Variants in ANKS1B observed in about 807,000 individuals in gnomAD.
The protein encoded by ANKS1B is ankyrin repeat and sterile alpha motif domain containing 1B, also known as ankyrin repeat and sterile alpha motif domain-containing protein 1B.
A neutral mutation model predicts 148.3 loss-of-function variants in ANKS1B; 36 were observed. The observed-to-expected ratio is 0.24, with a 90% CI of 0.19 to 0.32. The LOEUF is 0.32. Ranked by LOEUF, ANKS1B falls within the 10% of genes least tolerant of loss-of-function variation. The probability of loss-of-function intolerance (pLI) is 1.00; values close to 1 mark genes in which losing one functional copy is unlikely to be tolerated. For synonymous variants in ANKS1B, 542 were observed against 560.8 expected (o/e 0.97, Z 0.47); for missense variants, 1,157 against 1,542.6 (o/e 0.75, Z 4.19).
chr12:99,058,258 C>CA (rs1192781686), intron 16 of ANKS1B, among the ~76,000 whole-genome samples: 90 of 127,844 alleles, frequency 7.0e-4, no homozygotes, highest in African/African-American at 2.8e-3. Flanking sequence ...TTTTTTAAGA[C>CA]AGAGTCTCAC....
chr12:99,111,522 T>C (rs1016670438), intron 15 of ANKS1B, among the ~76,000 whole-genome samples: 1 of 152,010 alleles, frequency 6.6e-6, no homozygotes, highest in Non-Finnish European at 1.5e-5. Flanking sequence ...TAAGCTAATG[T>C]GTATTTTAAG....
intron 17 of ANKS1B, among the ~76,000 whole-genome samples, chr12:98,994,211 A>G (rs2099928239): frequency 6.6e-6 from 1 of 152,198 alleles, no homozygotes; most frequent in Admixed American, 6.5e-5. Flanking sequence ...CTTCCCCTGT[A>G]ACATAAGGAT....
intron 8 of ANKS1B, among the ~76,000 whole-genome samples, chr12:99,658,519 A>G (rs185414640): frequency 6.6e-6 from 1 of 152,006 alleles, no homozygotes; most frequent in Admixed American, 6.6e-5. Flanking sequence ...CTTTGTGCAA[A>G]TGTTTGCATT....
At chr12:99,888,747 T>C (rs560688840) in intron 1 of ANKS1B, among the ~76,000 whole-genome samples, 100 of 152,298 alleles carry the variant, frequency 6.6e-4, no homozygotes, top group Non-Finnish European at 6.5e-4. Context: ...TAATTTGCGA[T>C]ATTAAGGTAA....
chr12:99,390,705 C>A lies in ANKS1B; in HGVS notation c.1756+8926G>T, dbSNP rs1352224482. On this transcript the variant is annotated intron_variant, in intron 12 of 26. Coordinates refer to ENST00000683438, the MANE Select transcript of ANKS1B (RefSeq NM_001352186.2). ...GATAGTTCCCTGTGGTAAGGACTAGCAAGATTTTGGGGATAAATCTTTCTG... is the reference window on the plus strand; with the variant it reads ...GATAGTTCCCTGTGGTAAGGACTAGAAAGATTTTGGGGATAAATCTTTCTG... 2.0e-5 allele frequency among the ~76,000 whole-genome samples: 3 copies of A among 152,344 alleles called. No individual in the cohort carries two copies. The East Asian group carries it at 5.8e-4, about 29-fold the overall frequency.
At chr12:99,665,671 A>G (rs1463579448) in intron 8 of ANKS1B, among the ~76,000 whole-genome samples, 1 of 152,078 alleles carries the variant, frequency 6.6e-6, no homozygotes, top group Non-Finnish European at 1.5e-5. Context: ...TATTTTTAGT[A>G]GAGACGGGGT....
intron 12 of ANKS1B, among the ~76,000 whole-genome samples, chr12:99,317,182 T>A (rs1377591337): frequency 6.6e-6 from 1 of 152,212 alleles, no homozygotes; most frequent in African/African-American, 2.4e-5. Flanking sequence ...AACTTTAAAG[T>A]AGTTTTTTCC....
chr12:99,646,526 C>A (rs1036833565), intron 9 of ANKS1B, among the ~76,000 whole-genome samples: 3 of 151,718 alleles, frequency 2.0e-5, no homozygotes, highest in African/African-American at 7.3e-5. Flanking sequence ...TGGTGGCACA[C>A]GCCTGTAGTC....
chr12:98,758,933 C>G (rs948381351), intron 25 of ANKS1B, among the ~76,000 whole-genome samples: 6 of 143,106 alleles, frequency 4.2e-5, no homozygotes, highest in African/African-American at 1.5e-4. Context: ...GGCGTGCACG[C>G]CTGGCTAATT....
intron 10 of ANKS1B, among the ~76,000 whole-genome samples, chr12:99,502,772 G>T (rs2096668304): frequency 6.6e-6 from 1 of 152,028 alleles, no homozygotes; most frequent in Non-Finnish European, 1.5e-5. Flanking sequence ...CATAATAAAT[G>T]CTCAATAAAT....
intron 12 of ANKS1B, among the ~76,000 whole-genome samples, chr12:99,316,542 T>A (rs922638845): frequency 6.6e-6 from 1 of 152,234 alleles, no homozygotes; most frequent in Non-Finnish European, 1.5e-5. Context: ...TGTAAATTTT[T>A]AAGTTCTTTG....
rs184543528 is a variant in ANKS1B, at chr12:99,046,428, C to T, written c.2778+6729G>A. Among the ~76,000 whole-genome samples, 595 of 152,178 alleles carry T rather than the reference C, an allele frequency of 3.9e-3. 7 individuals are homozygous for T. The highest frequency in any genetic ancestry group is 0.014 in the African/African-American group (569 of 41,510). On this transcript the variant is annotated intron_variant, in intron 17 of 26. Transcript: ENST00000683438. ...CAATTAGAAGACAAAGATATTAAAC[C>T]AGTAACTGTAACTGTATTCCATATG...
chr12:99,118,221 A>T (rs1451053721), intron 15 of ANKS1B, among the ~76,000 whole-genome samples: 3 of 152,210 alleles, frequency 2.0e-5, no homozygotes, highest in Non-Finnish European at 4.4e-5. Context: ...TCTTATTACA[A>T]AATATTGATC....
chr12:98,791,731 A>T (rs2098862226), intron 22 of ANKS1B, among the ~76,000 whole-genome samples: 1 of 152,174 alleles, frequency 6.6e-6, no homozygotes, highest in Non-Finnish European at 1.5e-5. Flanking sequence ...CTCAACAGAG[A>T]CTTTTAAAAA....
intron 12 of ANKS1B, among the ~76,000 whole-genome samples, chr12:99,299,968 G>A (rs1201358094): frequency 6.6e-6 from 1 of 152,064 alleles, no homozygotes; most frequent in African/African-American, 2.4e-5. Context: ...ATCACATTGA[G>A]TTTGCCTTCA....
At chr12:98,890,659 T>G (rs79211680) in intron 17 of ANKS1B, among the ~76,000 whole-genome samples, 2,636 of 152,296 alleles carry the variant, frequency 0.017, 77 homozygotes, top group East Asian at 0.12. Flanking sequence ...TCTCAAGCCT[T>G]AACTAAAACC....
At chr12:99,673,007 G>C (rs1331285054) in intron 8 of ANKS1B, among the ~76,000 whole-genome samples, 1 of 152,048 alleles carries the variant, frequency 6.6e-6, no homozygotes, top group Admixed American at 6.6e-5. Flanking sequence ...TAGTGTTTTG[G>C]TGGCCAAATT....
At chr12:99,804,181 A>G (rs1424404585) in intron 4 of ANKS1B, among the ~76,000 whole-genome samples, 1 of 152,226 alleles carries the variant, frequency 6.6e-6, no homozygotes, top group Non-Finnish European at 1.5e-5. Context: ...CTGTGCAATC[A>G]AGTTTAAAAA....
In ANKS1B at chr12:99,041,279, T is replaced by C. The variant is rs1354592630; in HGVS notation, c.2778+11878A>G. On this transcript the variant is annotated intron_variant, in intron 17 of 26. Transcript: ENST00000683438. ...ATCAAATTCAATGAAAAAATATTGG[T>C]TGCACACCCACTCTGAGCGAAGAGT... is the stretch of plus-strand genomic sequence containing the variant. Among the ~76,000 whole-genome samples the C allele has an allele frequency of 3.9e-5, 6 of 151,976 alleles. No individual in the cohort carries two copies. The East Asian group carries it at 1.2e-3, about 29-fold the overall frequency.
Sources: allele counts gnomAD v4.1 joint callset (sites outside exome capture counted in the v4.1 genomes callset), GRCh38; gene constraint gnomAD v4.1.1; transcripts MANE v1.5; gene names NCBI Gene and HGNC (gene_info 2026-07-23, HGNC 2026-07-21).